PRIM2: variants seen among roughly 807,000 people sequenced by gnomAD.
PRIM2 encodes the protein DNA primase subunit 2.
In PRIM2, 39 loss-of-function variants were observed where a neutral mutation model predicts 67.3. That is an observed-to-expected ratio of 0.58 (90% CI 0.45 to 0.76). The LOEUF is 0.76. Ranked by LOEUF, PRIM2 falls within the 30% of genes least tolerant of loss-of-function variation. PRIM2 has a pLI of 0.00. For missense variants in PRIM2, 398 were observed against 598.7 expected (o/e 0.66, Z 3.50); for synonymous variants, 143 against 198.7 (o/e 0.72, Z 2.36).
chr6:57,518,273 G>A (rs1380240550), intron 8 of PRIM2, among the ~76,000 whole-genome samples: 46 of 152,310 alleles, frequency 3.0e-4, no homozygotes, highest in African/African-American at 1.0e-3. Flanking sequence ...ACAAAAATGT[G>A]TATAGCGGTG....
intron 12 of PRIM2, among the ~76,000 whole-genome samples, chr6:57,615,450 T>C (rs1204514299): frequency 1.3e-5 from 2 of 151,540 alleles, no homozygotes; most frequent in Non-Finnish European, 2.9e-5. Flanking sequence ...ATTGAGAATA[T>C]GTGTTCAGAA....
rs568448587 is a variant in PRIM2 at position 57,421,299 on chromosome 6, A to G, written c.693+39131A>G. On this transcript the variant is annotated intron_variant, in intron 7 of 13. Transcript: ENST00000615550. ...ATTTTATTAGACATATTTAGAGCCC[A>G]AATCACAAAATAAAGTTTGAAACCA... is the stretch of plus-strand genomic sequence containing the variant. 2.0e-5 allele frequency among the ~76,000 whole-genome samples: 3 copies of G among 152,344 alleles called. No homozygotes were observed. The East Asian group carries it at 5.8e-4, about 29-fold the overall frequency.
chr6:57,260,248 G>A, the PRIM2 span, among the ~76,000 whole-genome samples: 1 of 152,164 alleles, frequency 6.6e-6, no homozygotes, highest in African/African-American at 2.4e-5. Context: ...ATATAGTGGA[G>A]CAGACAGAAT....
At chr6:57,334,251 T>A (rs967283008) in intron 5 of PRIM2, among the ~76,000 whole-genome samples, 3 of 152,196 alleles carry the variant, frequency 2.0e-5, no homozygotes, top group South Asian at 4.1e-4. Context: ...CATTTTTTTT[T>A]ATGACTCAAT....
the PRIM2 span, among the ~76,000 whole-genome samples, chr6:57,273,637 A>G: frequency 6.6e-6 from 1 of 152,208 alleles, no homozygotes; most frequent in Admixed American, 6.5e-5. Context: ...CGTCAAAGTC[A>G]TTCTCCATCC....
intron 10 of PRIM2, among the ~76,000 whole-genome samples, chr6:57,592,996 G>A (rs1353371700): frequency 6.6e-6 from 1 of 152,184 alleles, no homozygotes; most frequent in African/African-American, 2.4e-5. Flanking sequence ...AGAAGACAAA[G>A]TTGTGAAAGA....
intron 12 of PRIM2, among the ~76,000 whole-genome samples, chr6:57,608,411 G>T (rs1378926717): frequency 1.3e-5 from 2 of 152,136 alleles, no homozygotes; most frequent in African/African-American, 4.8e-5. Flanking sequence ...AAAAATTAAT[G>T]AAAGACAGTA....
At chr6:57,619,227 C>G (rs1182280693) in intron 12 of PRIM2, among the ~76,000 whole-genome samples, 1 of 152,252 alleles carries the variant, frequency 6.6e-6, no homozygotes, top group Non-Finnish European at 1.5e-5. Flanking sequence ...GGGGAGAGTA[C>G]TACATCAAGG....
intron 10 of PRIM2, among the ~76,000 whole-genome samples, chr6:57,559,520 C>A (rs1349102180): frequency 3.9e-5 from 6 of 152,154 alleles, no homozygotes; most frequent in African/African-American, 1.4e-4. Context: ...TCCTCATTTT[C>A]AGCAAAGATA....
intron 7 of PRIM2, among the ~76,000 whole-genome samples, chr6:57,466,956 C>T (rs1240750608): frequency 6.6e-6 from 1 of 151,956 alleles, no homozygotes; most frequent in African/African-American, 2.4e-5. Flanking sequence ...GCTGTCTCTA[C>T]CTAAAATACA....
chr6:57,312,592 CTTG>C (rs1380278295), upstream of PRIM2, among the ~76,000 whole-genome samples: 1 of 152,080 alleles, frequency 6.6e-6, no homozygotes, highest in Non-Finnish European at 1.5e-5. Flanking sequence ...CTCTTTTTAG[CTTG>C]TTTTTTTAAA....
chr6:57,331,740 GTGA>G (rs2127281832), intron 5 of PRIM2, among the ~76,000 whole-genome samples: 1 of 151,960 alleles, frequency 6.6e-6, no homozygotes, highest in South Asian at 2.1e-4. Context: ...AAAAGGATTG[GTGA>G]TGATGTCTTC....
intron 8 of PRIM2, among the ~76,000 whole-genome samples, chr6:57,508,251 G>C (rs1774290168): frequency 6.6e-6 from 1 of 151,964 alleles, no homozygotes; most frequent in Non-Finnish European, 1.5e-5. Flanking sequence ...CTGTGTTTTT[G>C]TTGTTGTTGT....
chr6:57,517,160 A>G (rs1774504580), intron 8 of PRIM2, among the ~76,000 whole-genome samples: 1 of 152,180 alleles, frequency 6.6e-6, no homozygotes, highest in Non-Finnish European at 1.5e-5. Context: ...AATACTTTTA[A>G]TATCTGCAGT....
chr6:57,336,351 A>G (rs1174136905), intron 5 of PRIM2, among the ~76,000 whole-genome samples: 2 of 151,872 alleles, frequency 1.3e-5, no homozygotes, highest in Non-Finnish European at 2.9e-5. Context: ...TTCAGGAAAT[A>G]CAGAGAACGC....
At chr6:57,388,024 CT>C (rs1241981301) in intron 7 of PRIM2, among the ~76,000 whole-genome samples, 1 of 150,878 alleles carries the variant, frequency 6.6e-6, no homozygotes, top group African/African-American at 2.4e-5. Flanking sequence ...GAATCTTGGC[CT>C]TTTTTTTTAG....
intron 7 of PRIM2, among the ~76,000 whole-genome samples, chr6:57,403,249 A>T (rs1374475524): frequency 9.1e-5 from 10 of 110,204 alleles, no homozygotes; most frequent in African/African-American, 3.6e-4. Flanking sequence ...CAGGTGAAGA[A>T]TTTTTTTTTT....
chr6:57,561,070 G>A (rs1775617260), intron 10 of PRIM2, among the ~76,000 whole-genome samples: 2 of 152,122 alleles, frequency 1.3e-5, no homozygotes, highest in African/African-American at 4.8e-5. Context: ...CATTGAAAAT[G>A]TGTTGTTTAG....
intron 7 of PRIM2, among the ~76,000 whole-genome samples, chr6:57,388,095 G>A: frequency 6.6e-6 from 1 of 152,180 alleles, no homozygotes; most frequent in Non-Finnish European, 1.5e-5. Context: ...TACCATGTGA[G>A]GCTGCAATGG....
Sources: allele counts gnomAD v4.1 joint callset (sites outside exome capture counted in the v4.1 genomes callset), GRCh38; gene constraint gnomAD v4.1.1; transcripts MANE v1.5; gene names NCBI Gene and HGNC (gene_info 2026-07-23, HGNC 2026-07-21).